PODN: variants seen among roughly 807,000 people sequenced by gnomAD.
PODN encodes podocan proteoglycan.
A neutral mutation model predicts 52.7 loss-of-function variants in PODN; 40 were observed. The observed-to-expected ratio is 0.76, with a 90% CI of 0.59 to 0.99. PODN has a LOEUF of 0.99. PODN is among the 50% of genes least tolerant of loss of function. The probability of loss-of-function intolerance (pLI) is 0.00; values close to 1 mark genes in which losing one functional copy is unlikely to be tolerated. For missense variants in PODN, 720 were observed against 815.1 expected (o/e 0.88, Z 1.42); for synonymous variants, 396 against 377.9 (o/e 1.05, Z -0.56).
Position 53,078,372 on chromosome 1 carries a change from T to C in PODN, c.862T>C (p.Ser288Pro). ...ATTCCCTCCCTGCCCCAGGAAGCTC[T>C]CCAGCCTGGAGTACCTGGATCTGTC... is the stretch of plus-strand genomic sequence containing the variant. ...GLDNETFWKL[S>P]SLEYLDLSSN... Residue 288 changes from serine (S) to proline (P), a missense_variant, in exon 8 of 11, where the codon TCC (serine) becomes CCC (proline). Transcript: ENST00000312553. The C allele has an allele frequency of 6.2e-7, 1 of 1,609,196 alleles. No individual in the cohort carries two copies. The highest frequency in any genetic ancestry group is 8.5e-7 in the Non-Finnish European group (1 of 1,176,328).
rs572266314 is a variant in PODN, at chr1:53,082,627, G to T, written c.*27+439G>T. On this transcript the variant is annotated intron_variant, in intron 10 of 10. Transcript: ENST00000312553. ...AGGTAGGAAAACCCCAGACTGCCGTGGGCAGAGGGCATTTGCACATGTATG... is the reference window on the plus strand; with the variant it reads ...AGGTAGGAAAACCCCAGACTGCCGTTGGCAGAGGGCATTTGCACATGTATG... Among the ~76,000 whole-genome samples, 5 of 152,322 alleles carry T rather than the reference G, an allele frequency of 3.3e-5. No homozygotes were observed. The South Asian group carries it at 1.0e-3, about 32-fold the overall frequency.
intron 1 of PODN, among the ~76,000 whole-genome samples, chr1:53,064,872 C>G (rs1037002090): frequency 6.6e-6 from 1 of 152,168 alleles, no homozygotes; most frequent in Non-Finnish European, 1.5e-5. Flanking sequence ...GAACCCATGC[C>G]CTTCTGTCTC....
At position 53,070,084 on chromosome 1, in the gene PODN, G is replaced by A; in HGVS notation, c.229G>A (p.Glu77Lys). ...CCCCCGAGACTGTGCCTGTTCCCAG[G>A]AGGGCGTCGTGGACTGTGGCGGTAT... Reference protein sequence around the residue: ...SCPRDCACSQEGVVDCGGIDL... With the variant: ...SCPRDCACSQKGVVDCGGIDL... Residue 77 changes from glutamate to lysine, a missense_variant, in exon 2 of 11, where the codon GAG (glutamate) becomes AAG (lysine). Physicochemically the swap from Glu to Lys is moderately conservative, Grantham distance 56. Coordinates refer to ENST00000312553, the MANE Select transcript of PODN (RefSeq NM_153703.5). 8.1e-6 allele frequency: 13 copies of A among 1,613,002 alleles called. No homozygotes were observed. The highest frequency in any genetic ancestry group is 1.1e-5 in the Non-Finnish European group (13 of 1,180,008).
chr1:53,062,452 C>G, intron 1 of PODN, 144 bp downstream of exon 1: 1 of 559,774 alleles, frequency 1.8e-6, no homozygotes, highest in African/African-American at 2.0e-5. Context: ...TAGGACCCTG[C>G]ACCCAGGGCA....
intron 2 of PODN, among the ~76,000 whole-genome samples, chr1:53,070,647 G>A (rs1279989621): frequency 2.6e-5 from 4 of 152,232 alleles, no homozygotes; most frequent in Non-Finnish European, 5.9e-5. Flanking sequence ...CAGACTAGGA[G>A]CACCCTGGAG....
intron 7 of PODN, among the ~76,000 whole-genome samples, 165 bp downstream of exon 7, chr1:53,077,965 G>A (rs774663564): frequency 6.6e-6 from 1 of 152,170 alleles, no homozygotes; most frequent in Non-Finnish European, 1.5e-5. Flanking sequence ...CTGTCCCTGG[G>A]AACAAGGACT....
intron 9 of PODN, 79 bp downstream of exon 9, chr1:53,080,955 A>G (rs1644287646): frequency 2.6e-6 from 4 of 1,554,988 alleles, no homozygotes. Context: ...TGCACGTGGG[A>G]ACAGCTTGGC....
chr1:53,082,156 A>C lies in PODN; in HGVS notation c.1837A>C (p.Arg613=). ...EEEEEEEEET[R] is the part of the protein sequence containing the mutation. ...GGAGGAGGAGGAGGAAGAGGAAACA[A>C]GATAGTGACAAGGTGATGCAGATGT... The change falls in exon 10 of 11, where the codon AGA becomes CGA. Residue 613 remains arginine (R), a synonymous_variant. Transcript: ENST00000312553. The C allele has an allele frequency of 1.2e-6, 2 of 1,603,868 alleles. No individual in the cohort carries two copies.
Position 53,071,610 on chromosome 1 carries a change from A to G in PODN, c.388A>G (p.Asn130Asp), listed in dbSNP as rs1335608376. The change falls in exon 3 of 11, where the codon AAC (asparagine) becomes GAC (aspartate). Residue 130 changes from asparagine to aspartate, a missense_variant. Asn to Asp is a conservative substitution (Grantham distance 23). Transcript: ENST00000312553. ...GCTGGAGACGCTGAACCTGCAAAAC[A>G]ACCGCCTGACTTCCCGAGGTGAGGG... ...HRLETLNLQN[N>D]RLTSRGLPEK... The G allele has an allele frequency of 1.2e-6, 2 of 1,613,760 alleles. No homozygotes were observed. The highest frequency in any genetic ancestry group is 1.7e-5 in the Admixed American group (1 of 60,018).
chr1:53,077,971 G>A lies in PODN; in HGVS notation c.854+171G>A, dbSNP rs577754637. Among the ~76,000 whole-genome samples, 3 of 152,306 alleles carry A rather than the reference G, an allele frequency of 2.0e-5. No individual in the cohort carries two copies. The South Asian group carries it at 6.2e-4, about 32-fold the overall frequency. ...TTGACATTTCTGTCCCTGGGAACAA[G>A]GACTATGTAGAAGTAAGGCCTTCCA... On this transcript the variant is annotated intron_variant, in intron 7 of 10. Transcript: ENST00000312553.
At chr1:53,066,689 A>G in intron 1 of PODN, 1 of 833,580 alleles carries the variant, frequency 1.2e-6, no homozygotes, top group Non-Finnish European at 1.8e-6. Flanking sequence ...CAGCTTTGCC[A>G]CTTAACAGCT....
chr1:53,066,820 T>G (rs1280680727), intron 1 of PODN: 2 of 1,548,836 alleles, frequency 1.3e-6, no homozygotes, highest in Non-Finnish European at 1.7e-6. Flanking sequence ...AGTTTACAGA[T>G]TTTTACAGAT....
At chr1:53,083,876 G>C (rs981752855) in intron 10 of PODN, among the ~76,000 whole-genome samples, 15 of 152,146 alleles carry the variant, frequency 9.9e-5, no homozygotes, top group Non-Finnish European at 5.9e-5. Context: ...GCCAGGCTGG[G>C]GGTCACAGGG....
intron 3 of PODN, chr1:53,073,623 A>T (rs1209789183): frequency 6.6e-6 from 1 of 152,194 alleles, no homozygotes; most frequent in Non-Finnish European, 1.5e-5. Flanking sequence ...TTTTTTCCTG[A>T]TGACGAAAAT....
chr1:53,071,530 C>A lies in PODN; in HGVS notation c.313-5C>A, dbSNP rs752277022. ...CTGCTTCCTTGCGGCCCCCTACCCC[C>A]CTAGAACAACCAGCTGGAAAAGATC... On this transcript the variant is annotated splice_region_variant and splice_polypyrimidine_tract_variant and intron_variant, in intron 2 of 10. Coordinates refer to ENST00000312553, the MANE Select transcript of PODN (RefSeq NM_153703.5). 44 of 1,612,788 alleles carry A rather than the reference C, an allele frequency of 2.7e-5. No homozygotes were observed. In the African/African-American group the frequency reaches 5.1e-4, roughly 19 times the overall value.
chr1:53,072,719 A>G lies in PODN; in HGVS notation c.406+1091A>G, dbSNP rs543603427. On this transcript the variant is annotated intron_variant, in intron 3 of 10. Coordinates refer to ENST00000312553, the MANE Select transcript of PODN (RefSeq NM_153703.5). ...CTAATTTCATCTGAACAGTTTAAGA[A>G]GGTGGACATTTCAACACCATCAAGC... is the stretch of plus-strand genomic sequence containing the variant. 3.9e-5 allele frequency among the ~76,000 whole-genome samples: 6 copies of G among 152,352 alleles called. No individual in the cohort carries two copies. The South Asian group carries it at 1.2e-3, about 32-fold the overall frequency.
intron 1 of PODN, 55 bp from the exon 2 acceptor site, chr1:53,069,746 G>GGAGGGCCCCGTCATGACTTTC: frequency 6.6e-7 from 1 of 1,518,222 alleles, no homozygotes; most frequent in Non-Finnish European, 8.8e-7. Flanking sequence ...TTTGTGCTCG[G>GGAGGGCCCCGTCATGACTTTC]GAGGGCCCCG....
chr1:53,062,221 T>C lies in PODN; in HGVS notation c.-143T>C, dbSNP rs751187510. 1 of 1,270,740 alleles carries C rather than the reference T, an allele frequency of 7.9e-7. No individual in the cohort carries two copies. Among genetic ancestry groups the C allele is most frequent in the East Asian group, 2.9e-5 (1 of 34,138 alleles). 78.7% of individuals were successfully genotyped at this position (1,270,740 alleles called of 1,614,324 possible). On this transcript the variant is annotated 5_prime_UTR_variant, in exon 1 of 11. An upstream start codon of the reference 5' UTR is lost. Transcript: ENST00000312553. ...CGGAGAGCGCCCAGCTTGACTTGAA[T>C]GGAAGGAGCCCGAGCCCGCGGAGCG...
chr1:53,076,716 T>C (rs1250634868), intron 5 of PODN, among the ~76,000 whole-genome samples: 5 of 151,676 alleles, frequency 3.3e-5, no homozygotes, highest in Admixed American at 1.3e-4. Flanking sequence ...ATATATTAAC[T>C]ATATATTTGC....
Sources: allele counts gnomAD v4.1 joint callset (sites outside exome capture counted in the v4.1 genomes callset), GRCh38; gene constraint gnomAD v4.1.1; transcripts MANE v1.5; gene names NCBI Gene and HGNC (gene_info 2026-07-23, HGNC 2026-07-21).